The following AP2B1 variants were observed in gnomAD, a reference collection of about 807,000 sequenced individuals.
AP2B1 encodes AP-2 complex subunit beta.
A neutral mutation model predicts 102.0 loss-of-function variants in AP2B1; 23 were observed. The ratio of observed to expected loss-of-function variants is 0.23; its 90% CI spans 0.16 to 0.32. AP2B1 has a LOEUF of 0.32. Ranked by LOEUF, AP2B1 falls within the 10% of genes least tolerant of loss-of-function variation. The pLI is 1.00. For missense variants in AP2B1, 541 were observed against 1,157.4 expected, an observed-to-expected ratio of 0.47 and a Z score of 7.73; for synonymous variants, 381 against 421.2, an observed-to-expected ratio of 0.90 and a Z score of 1.17.
chr17:35,665,031 G>A (rs1046905696), intron 14 of AP2B1, among the ~76,000 whole-genome samples: 1 of 151,272 alleles, frequency 6.6e-6, no homozygotes, highest in Non-Finnish European at 1.5e-5. Context: ...TCCTTATCAA[G>A]TCTGCTCTTA....
intron 2 of AP2B1, among the ~76,000 whole-genome samples, chr17:35,594,643 C>T (rs775562471): frequency 2.9e-4 from 44 of 152,084 alleles, no homozygotes; most frequent in Admixed American, 2.7e-3. Context: ...TTTTCATATC[C>T]GTCCATATAC....
chr17:35,708,439 TA>T (rs151103321), intron 18 of AP2B1, among the ~76,000 whole-genome samples: 77 of 143,114 alleles, frequency 5.4e-4, no homozygotes, highest in Admixed American at 8.4e-4. Flanking sequence ...ACTGTAGCTT[TA>T]AAAAAAAAAA....
In AP2B1 at chr17:35,624,578, A is replaced by T; in HGVS notation, c.707A>T (p.Glu236Val). The T allele has an allele frequency of 6.2e-7, 1 of 1,610,960 alleles. No individual in the cohort carries two copies. The highest frequency in any genetic ancestry group is 8.5e-7 in the Non-Finnish European group (1 of 1,178,002). The change falls in exon 6 of 22, where the codon GAG becomes GTG. Residue 236 changes from glutamate to valine, a missense_variant. Physicochemically the swap from Glu to Val is moderately radical, Grantham distance 121. Transcript: ENST00000610402. ...LSNYNPKDDR[E>V]AQSICERVTP... ...AATTACAACCCTAAAGATGATCGGGAGGCTCAGAGGTCAGTCTGTTTTCCT... is the reference window on the plus strand; with the variant it reads ...AATTACAACCCTAAAGATGATCGGGTGGCTCAGAGGTCAGTCTGTTTTCCT...
intron 18 of AP2B1, among the ~76,000 whole-genome samples, chr17:35,695,375 G>A (rs1210503053): frequency 6.6e-6 from 1 of 152,110 alleles, no homozygotes; most frequent in Non-Finnish European, 1.5e-5. Context: ...AACAGATGCA[G>A]TGTATCTTAG....
chr17:35,697,366 T>C (rs2076160583), intron 18 of AP2B1, among the ~76,000 whole-genome samples: 1 of 152,256 alleles, frequency 6.6e-6, no homozygotes, highest in Non-Finnish European at 1.5e-5. Flanking sequence ...AACTTACGTC[T>C]GTATGTCTCT....
intron 13 of AP2B1, among the ~76,000 whole-genome samples, chr17:35,654,407 T>C (rs183028596): frequency 1.3e-3 from 205 of 152,292 alleles, no homozygotes; most frequent in African/African-American, 4.6e-3. Flanking sequence ...AATCTTAAAA[T>C]ATGCAAGATA....
chr17:35,646,208 G>A (rs2074928807), intron 12 of AP2B1, among the ~76,000 whole-genome samples: 1 of 152,178 alleles, frequency 6.6e-6, no homozygotes, highest in Non-Finnish European at 1.5e-5. Context: ...TAGATCCAAA[G>A]CCAAATTATC....
At chr17:35,645,413 T>TA (rs2074901549) in intron 12 of AP2B1, among the ~76,000 whole-genome samples, 1 of 152,134 alleles carries the variant, frequency 6.6e-6, no homozygotes, top group South Asian at 2.1e-4. Context: ...TGCTTTTAAG[T>TA]AAAATGGGAG....
intron 18 of AP2B1, among the ~76,000 whole-genome samples, chr17:35,690,241 G>A (rs587753737): frequency 6.6e-6 from 1 of 152,242 alleles, no homozygotes; most frequent in East Asian, 1.9e-4. Flanking sequence ...CTAATCCAGA[G>A]CATTTTCATT....
rs2074607172 is a variant in AP2B1, at chr17:35,636,354, GC to G, written c.1170del (p.Cys391ValfsTer2). On this transcript the variant is annotated frameshift_variant, in exon 10 of 22. Transcript: ENST00000610402. LOFTEE classifies it high-confidence loss of function. ...TTTTCTTCCCAGCAATCTGCAGAGC[GC>G]TGTGTAAGCACATTGCTTGATCTAA... ...CAIKVEQSAERCVSTLLDLIQ... is the reference protein window; with the variant it reads ...CAIKVEQSAEXCVSTLLDLIQ... 6.2e-7 allele frequency: 1 copy of G among 1,612,770 alleles called. No homozygotes were observed.
At chr17:35,720,954 C>T (rs2085372559) in intron 21 of AP2B1, among the ~76,000 whole-genome samples, 1 of 152,010 alleles carries the variant, frequency 6.6e-6, no homozygotes, top group South Asian at 2.1e-4. Context: ...TCTGATTTGC[C>T]TATCTAAAGA....
intron 12 of AP2B1, among the ~76,000 whole-genome samples, chr17:35,647,390 C>G (rs916838452): frequency 1.3e-5 from 2 of 151,996 alleles, no homozygotes; most frequent in African/African-American, 2.4e-5. Context: ...CTCAGTGCCC[C>G]CCCTCCCCAC....
chr17:35,637,381 C>T (rs1011312987), intron 10 of AP2B1, among the ~76,000 whole-genome samples: 2 of 152,060 alleles, frequency 1.3e-5, no homozygotes, highest in Non-Finnish European at 2.9e-5. Context: ...GACGGGGTTT[C>T]ACTAGCCAGG....
chr17:35,626,854 G>A lies in AP2B1; in HGVS notation c.938+12G>A, dbSNP rs758658738. On this transcript the variant is annotated intron_variant, in intron 7 of 21. Coordinates refer to ENST00000610402, the MANE Select transcript of AP2B1 (RefSeq NM_001030006.2). Reference sequence around the variant, plus strand: ...ATTGTCCAGAAAAGGTTGGGAAATAGCGAAGTGTTGATTAAAGTGTTTGTA... The same window carrying A: ...ATTGTCCAGAAAAGGTTGGGAAATAACGAAGTGTTGATTAAAGTGTTTGTA... The A allele has an allele frequency of 1.2e-5, 19 of 1,609,418 alleles. No homozygotes were observed. The highest frequency in any genetic ancestry group is 4.0e-5 in the African/African-American group (3 of 74,766).
At chr17:35,678,892 T>C (rs1290323745) in intron 17 of AP2B1, among the ~76,000 whole-genome samples, 2 of 152,194 alleles carry the variant, frequency 1.3e-5, no homozygotes, top group East Asian at 3.8e-4. Flanking sequence ...CACCTCACAT[T>C]ATCTGGTCAT....
intron 1 of AP2B1, among the ~76,000 whole-genome samples, chr17:35,593,078 G>A (rs765082531): frequency 6.6e-6 from 1 of 152,096 alleles, no homozygotes; most frequent in Non-Finnish European, 1.5e-5. Context: ...GTGTCTGAAC[G>A]GATGTCTCAG....
intron 1 of AP2B1, among the ~76,000 whole-genome samples, chr17:35,588,893 A>T (rs779186230): frequency 6.6e-5 from 10 of 152,336 alleles, no homozygotes; most frequent in Non-Finnish European, 1.5e-4. Context: ...CAGTTCTTTC[A>T]TTCTTTCTTT....
chr17:35,718,343 T>C (rs1236268011), intron 21 of AP2B1, among the ~76,000 whole-genome samples: 2 of 133,768 alleles, frequency 1.5e-5, no homozygotes, highest in Non-Finnish European at 3.4e-5. Context: ...TGTGTGTGTG[T>C]GTGTGTGTGT....
chr17:35,669,821 T>A (rs1300150261), intron 14 of AP2B1, among the ~76,000 whole-genome samples: 3 of 152,220 alleles, frequency 2.0e-5, no homozygotes, highest in African/African-American at 7.2e-5. Context: ...TAAAGGAGAA[T>A]GTGCTTAGAA....
Sources: gnomAD v4.1 joint callset for allele counts (sites outside exome capture counted in the v4.1 genomes callset) on GRCh38, gnomAD v4.1.1 for gene constraint, MANE v1.5 for transcripts, NCBI Gene and HGNC (gene_info 2026-07-23, HGNC 2026-07-21) for gene names.